The following UGT2B11 variants were observed in gnomAD, a reference collection of about 807,000 sequenced individuals.
UGT2B11 encodes UDP glucuronosyltransferase family 2 member B11.
In UGT2B11, 49 loss-of-function variants were observed where a neutral mutation model predicts 51.7. The observed-to-expected ratio is 0.95, with a 90% CI of 0.75 to 1.20. UGT2B11 has a LOEUF of 1.20. Ranked by LOEUF, UGT2B11 falls within the 50% of genes most tolerant of loss-of-function variation. The pLI, the probability that UGT2B11 is intolerant of heterozygous loss-of-function variation, is 0.00. For missense variants in UGT2B11, 810 were observed against 622.1 expected (o/e 1.30, Z -3.21); for synonymous variants, 273 against 209.0 (o/e 1.31, Z -2.64).
At chr4:69,203,816 C>G (rs1237187623) in intron 5 of UGT2B11, among the ~76,000 whole-genome samples, 1 of 151,464 alleles carries the variant, frequency 6.6e-6, no homozygotes, top group East Asian at 2.0e-4. Context: ...AGAAAGAAAA[C>G]AAATTGGTGT....
rs572252994 is a variant in UGT2B11, at chr4:69,214,710, A to G, written c.13T>C (p.Trp5Arg). ...TGTATCAGCAGAAGAACTGAAGTCC[A>G]TTTCAGAGTCATCCTGGTGCAATGC... Reference protein sequence around the residue: MTLKWTSVLLLIHLS... With the variant: MTLKRTSVLLLIHLS... The change falls in exon 1 of 6, where the codon TGG becomes CGG. Residue 5 changes from tryptophan to arginine, a missense_variant. Coordinates refer to ENST00000446444, the MANE Select transcript of UGT2B11 (RefSeq NM_001073.3). 19 of 1,612,268 alleles carry G rather than the reference A, an allele frequency of 1.2e-5. No individual in the cohort carries two copies. The African/African-American group carries it at 2.1e-4, about 18-fold the overall frequency.
At chr4:69,220,263 A>AT in the UGT2B11 span, among the ~76,000 whole-genome samples, 2 of 152,202 alleles carry the variant, frequency 1.3e-5, no homozygotes, top group South Asian at 2.1e-4. Flanking sequence ...CGGCAGTTCA[A>AT]CCCTTTAGTT....
the UGT2B11 span, among the ~76,000 whole-genome samples, chr4:69,222,891 CT>C: frequency 6.6e-6 from 1 of 152,128 alleles, no homozygotes; most frequent in Non-Finnish European, 1.5e-5. Flanking sequence ...TCCGATGCAC[CT>C]TTAACACTTC....
chr4:69,213,164 G>T (rs187143532), intron 1 of UGT2B11, among the ~76,000 whole-genome samples: 1 of 108,094 alleles, frequency 9.3e-6, no homozygotes, highest in East Asian at 2.1e-4. Context: ...TTTGGTTCAA[G>T]TGAACTCTGT....
chr4:69,201,420 G>C (rs1040822351), intron 5 of UGT2B11: 9 of 151,648 alleles, frequency 5.9e-5, no homozygotes, highest in East Asian at 3.9e-4. Context: ...AAGATTTTTG[G>C]CTGGCTTCTC....
At chr4:69,200,870 TA>T (rs952519966) in intron 5 of UGT2B11, 151 bp from the exon 6 acceptor site, 1 of 1,084,824 alleles carries the variant, frequency 9.2e-7, no homozygotes, top group African/African-American at 1.6e-5. Flanking sequence ...TGAGTTATCA[TA>T]GATAGTTTGG....
At position 69,200,312 on chromosome 4, in the gene UGT2B11, A is replaced by ATTTT. The variant is rs11340393; in HGVS notation, c.*124_*127dup. ...TTTACTTGACAAGGTAGATTTGAAA[A>ATTTT]TTTTTTTTTTTTTTTTTTTTTTGTC... On this transcript the variant is annotated 3_prime_UTR_variant, in exon 6 of 6. Coordinates refer to ENST00000446444, the MANE Select transcript of UGT2B11 (RefSeq NM_001073.3). 1.2e-3 allele frequency: 993 copies of ATTTT among 818,186 alleles called. 2 individuals are homozygous for ATTTT. The highest frequency in any genetic ancestry group is 2.3e-3 in the South Asian group (44 of 18,966). 50.7% of individuals were successfully genotyped at this position (818,186 alleles called of 1,614,324 possible). A position where few individuals can be genotyped will look rare whatever the true frequency, so the allele number is the denominator to read the frequency against.
At chr4:69,201,022 G>T (rs1382649469) in intron 5 of UGT2B11, 2 of 209,644 alleles carry the variant, frequency 9.5e-6, no homozygotes, top group Non-Finnish European at 1.9e-5. Context: ...AGTTTTTGTG[G>T]GTCCATATTA....
At chr4:69,218,940 A>G (rs1179838951), upstream of UGT2B11, among the ~76,000 whole-genome samples, 1 of 152,102 alleles carries the variant, frequency 6.6e-6, no homozygotes, top group Non-Finnish European at 1.5e-5. Flanking sequence ...ATCTAGCCAG[A>G]ATTCCAGATG....
intron 5 of UGT2B11, among the ~76,000 whole-genome samples, chr4:69,202,134 A>T (rs1721681636): frequency 6.6e-6 from 1 of 151,774 alleles, no homozygotes; most frequent in African/African-American, 2.4e-5. Context: ...ACTATGTAGC[A>T]TTCCATTGAT....
chr4:69,211,050 T>G (rs1276688240), intron 2 of UGT2B11: 1 of 151,604 alleles, frequency 6.6e-6, no homozygotes, highest in Admixed American at 6.6e-5. Flanking sequence ...TCACTATCTC[T>G]GTGCTTCTCT....
At chr4:69,212,340 T>C (rs1285186597) in intron 2 of UGT2B11, among the ~76,000 whole-genome samples, 3 of 151,580 alleles carry the variant, frequency 2.0e-5, no homozygotes, top group African/African-American at 7.3e-5. Context: ...TTTACTTTAA[T>C]CAACCCTACA....
intron 5 of UGT2B11, among the ~76,000 whole-genome samples, chr4:69,203,123 C>G (rs1721720345): frequency 6.6e-6 from 1 of 151,602 alleles, no homozygotes; most frequent in Non-Finnish European, 1.5e-5. Flanking sequence ...AAGTATATAT[C>G]TGATTTGTCC....
intron 4 of UGT2B11, among the ~76,000 whole-genome samples, chr4:69,205,069 G>A (rs572200895): frequency 0.03 from 4,600 of 151,634 alleles, 209 homozygotes; most frequent in African/African-American, 0.1. Context: ...GAAATGTGTC[G>A]TTACTTTAAG....
upstream of UGT2B11, chr4:69,216,475 A>C (rs1475071467): frequency 6.6e-6 from 1 of 151,722 alleles, no homozygotes. Context: ...GAAGGTGACA[A>C]GCACAGTTAC....
upstream of UGT2B11, among the ~76,000 whole-genome samples, chr4:69,218,692 TCA>T (rs1722335105): frequency 6.6e-6 from 1 of 150,736 alleles, no homozygotes; most frequent in Admixed American, 6.6e-5. Context: ...TCAAGGTGAG[TCA>T]CAGAGTGCAG....
At position 69,200,047 on chromosome 4, in the gene UGT2B11, T is replaced by C. The variant is rs1462144170; in HGVS notation, c.*393A>G. Reference sequence around the variant, plus strand: ...ATTATTCTGAGGATGTGACTACTGATACTGTCAGTAGACTTCTTAATGTTC... The same window carrying C: ...ATTATTCTGAGGATGTGACTACTGACACTGTCAGTAGACTTCTTAATGTTC... On this transcript the variant is annotated 3_prime_UTR_variant, in exon 6 of 6. Transcript: ENST00000446444. 1 of 160,026 alleles carries C rather than the reference T, an allele frequency of 6.2e-6. No homozygotes were observed. The highest frequency in any genetic ancestry group is 1.4e-5 in the Non-Finnish European group (1 of 73,692). The allele number at this position is 160,026 out of a possible 1,614,324, so 9.9% of individuals were successfully genotyped here. A position where few individuals can be genotyped will look rare whatever the true frequency, so the allele number is the denominator to read the frequency against.
At chr4:69,210,158 T>C (rs760148360) in intron 2 of UGT2B11, among the ~76,000 whole-genome samples, 9 of 151,576 alleles carry the variant, frequency 5.9e-5, no homozygotes, top group Non-Finnish European at 1.3e-4. Flanking sequence ...TGGCTGATGG[T>C]GTAATTGAAC....
intron 5 of UGT2B11, among the ~76,000 whole-genome samples, chr4:69,201,626 G>T (rs932417716): frequency 1.3e-5 from 2 of 151,636 alleles, no homozygotes; most frequent in Non-Finnish European, 1.5e-5. Flanking sequence ...TGCTCTTGGA[G>T]TATTCTTTCT....
Sources: allele counts gnomAD v4.1 joint callset (sites outside exome capture counted in the v4.1 genomes callset), GRCh38; gene constraint gnomAD v4.1.1; transcripts MANE v1.5; gene names NCBI Gene and HGNC (gene_info 2026-07-23, HGNC 2026-07-21).